CIRSR: variants seen among roughly 807,000 people sequenced by gnomAD.
CIRSR encodes the protein corepressor of RBPJ and splicing regulator, also known as CBF1 (RBPJ) interacting corepressor 1.
At chr2:174,379,833 C>T in the CIRSR span, among the ~76,000 whole-genome samples, 4 of 149,958 alleles carry the variant, frequency 2.7e-5, no homozygotes, top group African/African-American at 7.4e-5. Context: ...CAGCGATTCT[C>T]CTGCCTCAGC....
the CIRSR span, among the ~76,000 whole-genome samples, chr2:174,379,449 T>C: frequency 6.6e-6 from 1 of 152,166 alleles, no homozygotes; most frequent in South Asian, 2.1e-4. Flanking sequence ...ATTTTAGGCT[T>C]TTTGGGACAG....
the CIRSR span, among the ~76,000 whole-genome samples, chr2:174,375,305 G>C: frequency 6.6e-6 from 1 of 152,150 alleles, no homozygotes; most frequent in African/African-American, 2.4e-5. Context: ...TTTATCAAGA[G>C]AGGATTAAAA....
At chr2:174,349,124 CT>C in the CIRSR span, 5 of 1,502,860 alleles carry the variant, frequency 3.3e-6, no homozygotes, top group Non-Finnish European at 4.4e-6. Context: ...GAAACTTTTT[CT>C]TTTTTCTATC....
the CIRSR span, among the ~76,000 whole-genome samples, chr2:174,377,112 C>T: frequency 6.6e-6 from 1 of 152,058 alleles, no homozygotes; most frequent in Non-Finnish European, 1.5e-5. Context: ...CTGCCTGTCC[C>T]AAGTCAACCC....
chr2:174,352,687 G>C, the CIRSR span, among the ~76,000 whole-genome samples: 1 of 152,080 alleles, frequency 6.6e-6, no homozygotes, highest in African/African-American at 2.4e-5. Context: ...GTTTCATTTT[G>C]TTTTCCCTGC....
the CIRSR span, chr2:174,380,569 T>A: frequency 7.6e-7 from 1 of 1,315,682 alleles, no homozygotes; most frequent in South Asian, 1.3e-5. Context: ...CTCTAATGAT[T>A]GAAAAAGCAA....
chr2:174,379,343 T>G, the CIRSR span, among the ~76,000 whole-genome samples: 1 of 152,210 alleles, frequency 6.6e-6, no homozygotes, highest in African/African-American at 2.4e-5. Flanking sequence ...AATTTAAGCT[T>G]AAATTCTCTC....
chr2:174,387,471 T>C, the CIRSR span: 1 of 439,930 alleles, frequency 2.3e-6, no homozygotes, highest in Non-Finnish European at 4.0e-6. Context: ...TGTATATGAG[T>C]CACGTGAATC....
At chr2:174,384,940 C>T in the CIRSR span, among the ~76,000 whole-genome samples, 3 of 151,896 alleles carry the variant, frequency 2.0e-5, no homozygotes, top group East Asian at 1.9e-4. Context: ...CTGGGCATGG[C>T]GGCTCATGCC....
At chr2:174,390,145 T>C in the CIRSR span, among the ~76,000 whole-genome samples, 10 of 152,298 alleles carry the variant, frequency 6.6e-5, no homozygotes, top group East Asian at 1.9e-3. Context: ...ACTTGTACCA[T>C]GTGCCTGGAA....
At chr2:174,357,537 A>G in the CIRSR span, among the ~76,000 whole-genome samples, 33 of 152,312 alleles carry the variant, frequency 2.2e-4, no homozygotes, top group African/African-American at 7.9e-4. Context: ...CAACATTATC[A>G]CAAATGAAAG....
the CIRSR span, among the ~76,000 whole-genome samples, chr2:174,372,660 G>T: frequency 6.6e-6 from 1 of 151,714 alleles, no homozygotes; most frequent in African/African-American, 2.4e-5. Flanking sequence ...TCAGCTCACC[G>T]CAACCTCTGC....
At chr2:174,356,734 A>C in the CIRSR span, among the ~76,000 whole-genome samples, 1 of 152,134 alleles carries the variant, frequency 6.6e-6, no homozygotes, top group African/African-American at 2.4e-5. Context: ...GCTGAAACTA[A>C]ATTGCTACCC....
At chr2:174,369,542 T>A in the CIRSR span, among the ~76,000 whole-genome samples, 1 of 152,252 alleles carries the variant, frequency 6.6e-6, no homozygotes, top group Non-Finnish European at 1.5e-5. Flanking sequence ...CCTTTCTACC[T>A]ATCTCGGCTT....
the CIRSR span, among the ~76,000 whole-genome samples, chr2:174,364,314 G>A: frequency 6.6e-6 from 1 of 152,226 alleles, no homozygotes; most frequent in African/African-American, 2.4e-5. Context: ...AGCCCCTGTG[G>A]CTTTGCAAGG....
chr2:174,350,884 A>C, the CIRSR span: 4 of 640,082 alleles, frequency 6.2e-6, no homozygotes, highest in Non-Finnish European at 1.0e-5. Flanking sequence ...GGGAAGTGGG[A>C]GAGAATTAAA....
chr2:174,380,595 C>T, the CIRSR span: 1 of 1,458,160 alleles, frequency 6.9e-7, no homozygotes, highest in Non-Finnish European at 9.5e-7. Flanking sequence ...GATGGGATAT[C>T]AGTAAATGTA....
the CIRSR span, chr2:174,349,052 G>A: frequency 1.3e-6 from 2 of 1,591,714 alleles, no homozygotes; most frequent in African/African-American, 1.4e-5. Context: ...AGGAAGAGGA[G>A]GAGGAGGAGG....
At chr2:174,386,371 G>A in the CIRSR span, among the ~76,000 whole-genome samples, 2 of 152,224 alleles carry the variant, frequency 1.3e-5, no homozygotes, top group East Asian at 1.9e-4. Context: ...TAGTAGAAAC[G>A]GGGTTTCTCC....
Sources: gnomAD v4.1 joint callset for allele counts (sites outside exome capture counted in the v4.1 genomes callset) on GRCh38, gnomAD v4.1.1 for gene constraint, MANE v1.5 for transcripts, NCBI Gene and HGNC (gene_info 2026-07-23, HGNC 2026-07-21) for gene names.